Variants in ACYP2 observed in about 807,000 individuals in gnomAD.
ACYP2 encodes the protein acylphosphatase 2, also known as acylphosphatase-2.
Under a neutral mutation model 11.2 loss-of-function variants are expected in ACYP2, and 12 were observed. The ratio of observed to expected loss-of-function variants is 1.08; its 90% CI spans 0.69 to 1.74. The LOEUF (loss-of-function observed/expected upper bound fraction) is 1.74. Among genes scored for constraint, ACYP2 ranks in the 40% most tolerant of loss-of-function variants. The pLI is 0.00. For missense variants in ACYP2, 134 were observed against 101.9 expected (o/e 1.31, Z -1.35); for synonymous variants, 43 against 32.2 (o/e 1.33, Z -1.13).
At chr2:53,997,594 C>A (rs1039425239) in intron 2 of ACYP2, among the ~76,000 whole-genome samples, 2 of 152,272 alleles carry the variant, frequency 1.3e-5, no homozygotes, top group East Asian at 3.9e-4. Flanking sequence ...GTATGAGCCA[C>A]CGCACCCGGC....
At chr2:54,015,685 AC>A (rs1558473138) in intron 2 of ACYP2, among the ~76,000 whole-genome samples, 4,992 of 143,722 alleles carry the variant, frequency 0.035, 116 homozygotes, top group African/African-American at 0.056. Context: ...ACACACACAC[AC>A]ACGGCAGAAT....
intron 6 of ACYP2, among the ~76,000 whole-genome samples, chr2:54,233,742 T>G (rs1686346985): frequency 6.6e-6 from 1 of 152,206 alleles, no homozygotes; most frequent in African/African-American, 2.4e-5. Flanking sequence ...AAATTAACTT[T>G]CCATTTCTGA....
intron 2 of ACYP2, among the ~76,000 whole-genome samples, chr2:53,982,543 A>C (rs908937608): frequency 6.6e-6 from 1 of 152,180 alleles, no homozygotes; most frequent in South Asian, 2.1e-4. Flanking sequence ...GGGTTTACCT[A>C]TATCTTAAGA....
intron 6 of ACYP2, among the ~76,000 whole-genome samples, chr2:54,265,702 T>G (rs1021700690): frequency 2.6e-5 from 4 of 152,186 alleles, no homozygotes; most frequent in African/African-American, 9.7e-5. Flanking sequence ...AATGTAGTGG[T>G]TAAGAGTGGT....
At chr2:54,273,907 A>G (rs112183095) in intron 6 of ACYP2, among the ~76,000 whole-genome samples, 30 of 152,292 alleles carry the variant, frequency 2.0e-4, no homozygotes, top group African/African-American at 7.0e-4. Context: ...GGAATTAAAA[A>G]CAGGAATTTG....
chr2:54,134,951 A>G (rs148757360), intron 4 of ACYP2, among the ~76,000 whole-genome samples: 20 of 152,368 alleles, frequency 1.3e-4, no homozygotes, highest in African/African-American at 4.8e-4. Context: ...TTTTTACTTT[A>G]GATCTTAGCA....
intron 2 of ACYP2, among the ~76,000 whole-genome samples, chr2:54,050,706 A>T (rs1028690616): frequency 1.3e-5 from 2 of 152,158 alleles, no homozygotes; most frequent in African/African-American, 4.8e-5. Context: ...GCATCCCCCT[A>T]AAAATTGTCT....
At chr2:54,181,094 A>G (rs1683700343) in intron 6 of ACYP2, among the ~76,000 whole-genome samples, 2 of 152,246 alleles carry the variant, frequency 1.3e-5, no homozygotes, top group African/African-American at 2.4e-5. Context: ...TATTCAAAAC[A>G]TATTTATCAA....
intron 6 of ACYP2, chr2:54,254,913 C>G: frequency 6.2e-7 from 1 of 1,603,872 alleles, no homozygotes; most frequent in Non-Finnish European, 8.5e-7. Flanking sequence ...ATTCCAAAGG[C>G]AAAGGTTAAC....
chr2:54,023,788 G>C (rs1157716328), intron 2 of ACYP2, among the ~76,000 whole-genome samples: 1 of 152,100 alleles, frequency 6.6e-6, no homozygotes, highest in Non-Finnish European at 1.5e-5. Flanking sequence ...CAAGCAGCGA[G>C]ATTGAAATGG....
At chr2:54,265,448 GGGA>G (rs1215093965) in intron 6 of ACYP2, among the ~76,000 whole-genome samples, 2 of 152,144 alleles carry the variant, frequency 1.3e-5, no homozygotes, top group African/African-American at 4.8e-5. Context: ...TGGGAATTAT[GGGA>G]GCTTACAAGA....
chr2:54,268,071 A>G (rs1688119153), intron 6 of ACYP2, among the ~76,000 whole-genome samples: 1 of 152,212 alleles, frequency 6.6e-6, no homozygotes, highest in African/African-American at 2.4e-5. Flanking sequence ...CTAAGACACA[A>G]TATGGAAAGC....
intron 4 of ACYP2, among the ~76,000 whole-genome samples, chr2:54,133,902 T>A (rs1397816257): frequency 6.6e-6 from 1 of 152,178 alleles, no homozygotes; most frequent in African/African-American, 2.4e-5. Flanking sequence ...TCCCATAGTA[T>A]TCTTGACCTC....
intron 6 of ACYP2, among the ~76,000 whole-genome samples, chr2:54,274,764 TG>T (rs1688474647): frequency 6.6e-6 from 1 of 151,116 alleles, no homozygotes; most frequent in Non-Finnish European, 1.5e-5. Flanking sequence ...AAAAGAAGCA[TG>T]GGAGAGAGCC....
intron 2 of ACYP2, among the ~76,000 whole-genome samples, chr2:54,004,473 C>T (rs924195925): frequency 7.1e-5 from 10 of 141,260 alleles, no homozygotes; most frequent in South Asian, 6.7e-4. Flanking sequence ...TGCAGTGGCA[C>T]GATCTTGGCT....
chr2:54,053,165 G>C (rs1345282995), intron 3 of ACYP2, among the ~76,000 whole-genome samples: 1 of 152,210 alleles, frequency 6.6e-6, no homozygotes, highest in Non-Finnish European at 1.5e-5. Context: ...TGCTTTTGCT[G>C]TGTGCCTTCT....
At chr2:54,209,732 T>C (rs1198825852) in intron 6 of ACYP2, among the ~76,000 whole-genome samples, 1 of 152,198 alleles carries the variant, frequency 6.6e-6, no homozygotes, top group Non-Finnish European at 1.5e-5. Flanking sequence ...CTTTTCCTGA[T>C]TGCATCCCAC....
chr2:53,974,971 G>A (rs1026693609), intron 2 of ACYP2, among the ~76,000 whole-genome samples: 4 of 152,132 alleles, frequency 2.6e-5, no homozygotes, highest in Admixed American at 1.3e-4. Flanking sequence ...GAAAGGATTC[G>A]CCTGAGCAAG....
intron 6 of ACYP2, among the ~76,000 whole-genome samples, chr2:54,181,145 A>T (rs1338873410): frequency 6.6e-6 from 1 of 152,228 alleles, no homozygotes; most frequent in Non-Finnish European, 1.5e-5. Flanking sequence ...GGCTGTGAAC[A>T]TCTAGAAAAA....
Sources: gnomAD v4.1 joint callset for allele counts (sites outside exome capture counted in the v4.1 genomes callset) on GRCh38, gnomAD v4.1.1 for gene constraint, MANE v1.5 for transcripts, NCBI Gene and HGNC (gene_info 2026-07-23, HGNC 2026-07-21) for gene names.